Variants in SAP30BP observed in about 807,000 individuals in gnomAD.
SAP30BP encodes SAP30-binding protein.
Under a neutral mutation model 46.3 loss-of-function variants are expected in SAP30BP, and 31 were observed. The ratio of observed to expected loss-of-function variants is 0.67; its 90% CI spans 0.50 to 0.90. The LOEUF is 0.90. Among genes scored for constraint, SAP30BP ranks in the 40% least tolerant of loss-of-function variants. SAP30BP has a pLI of 0.00. For synonymous variants in SAP30BP, 169 were observed against 144.2 expected, an observed-to-expected ratio of 1.17 and a Z score of -1.23; for missense variants, 312 against 391.0, an observed-to-expected ratio of 0.80 and a Z score of 1.70.
chr17:75,703,246 G>T, intron 6 of SAP30BP, 65 bp from the exon 7 acceptor site: 1 of 1,475,092 alleles, frequency 6.8e-7, no homozygotes, highest in South Asian at 1.1e-5. Context: ...CCAGGAGCTG[G>T]ATGGTTCAGG....
chr17:75,669,443 A>G (rs978433965), intron 2 of SAP30BP, among the ~76,000 whole-genome samples: 1 of 152,002 alleles, frequency 6.6e-6, no homozygotes, highest in Admixed American at 6.6e-5. Context: ...CGGTTTCACC[A>G]TGTTGGCCAT....
intron 2 of SAP30BP, among the ~76,000 whole-genome samples, 177 bp downstream of exon 2, chr17:75,668,802 C>T (rs1156770322): frequency 1.3e-5 from 2 of 152,178 alleles, no homozygotes; most frequent in East Asian, 1.9e-4. Context: ...AATGTATTTT[C>T]ACATGGATCA....
chr17:75,685,707 A>G (rs568605648), intron 3 of SAP30BP, among the ~76,000 whole-genome samples: 3 of 151,686 alleles, frequency 2.0e-5, no homozygotes, highest in South Asian at 2.1e-4. Context: ...GCTCCCCCCA[A>G]CCCCCCAAAT....
chr17:75,705,040 C>T (rs928290836), intron 9 of SAP30BP: 3 of 525,278 alleles, frequency 5.7e-6, no homozygotes, highest in African/African-American at 3.8e-5. Flanking sequence ...CATTGTGCCC[C>T]CCTTTCCTCC....
At chr17:75,672,126 A>G (rs968293023) in intron 3 of SAP30BP, 1 of 469,254 alleles carries the variant, frequency 2.1e-6, no homozygotes, top group African/African-American at 2.0e-5. Flanking sequence ...GCTGAGGCCA[A>G]CAACCCACTT....
At chr17:75,686,037 A>G (rs2060151419) in intron 3 of SAP30BP, among the ~76,000 whole-genome samples, 1 of 152,234 alleles carries the variant, frequency 6.6e-6, no homozygotes. Flanking sequence ...TGGTTGTAAC[A>G]TGTTCCATGT....
chr17:75,686,614 C>T (rs1273544097), intron 3 of SAP30BP, among the ~76,000 whole-genome samples: 3 of 152,232 alleles, frequency 2.0e-5, no homozygotes, highest in East Asian at 1.9e-4. Flanking sequence ...GCAACCCCAG[C>T]GTGTCCCAGA....
At position 75,706,881 on chromosome 17, in the gene SAP30BP, G is replaced by T; in HGVS notation, c.*360G>T. The T allele has an allele frequency of 3.9e-6, 1 of 257,380 alleles. No individual in the cohort carries two copies. Among genetic ancestry groups the T allele is most frequent in the South Asian group, 6.3e-5 (1 of 15,842 alleles). 15.9% of individuals were successfully genotyped at this position (257,380 alleles called of 1,614,324 possible). On this transcript the variant is annotated 3_prime_UTR_variant, in exon 11 of 11. Coordinates refer to ENST00000584667, the MANE Select transcript of SAP30BP (RefSeq NM_013260.8). The surrounding 1 kb of genome is among the most constrained non-coding windows in gnomAD (Gnocchi z 4.6). ...ACTATTGCCTCAGGGTTGACAACAG[G>T]GTGATGGAGGCCTGGGACGCTGTTC...
intron 3 of SAP30BP, among the ~76,000 whole-genome samples, chr17:75,675,100 A>G (rs1247185878): frequency 6.6e-6 from 1 of 152,162 alleles, no homozygotes; most frequent in Non-Finnish European, 1.5e-5. Flanking sequence ...CATAATTGTC[A>G]TCTCCACTAG....
intron 4 of SAP30BP, 125 bp from the exon 5 acceptor site, chr17:75,699,658 C>CA (rs1252801523): frequency 3.1e-6 from 2 of 648,134 alleles, no homozygotes; most frequent in African/African-American, 3.6e-5. Flanking sequence ...TCCGAACACT[C>CA]AGTTGTACTG....
At chr17:75,672,816 T>C (rs1050379362) in intron 3 of SAP30BP, among the ~76,000 whole-genome samples, 1 of 151,740 alleles carries the variant, frequency 6.6e-6, no homozygotes, top group African/African-American at 2.4e-5. Context: ...AATTAACTGG[T>C]GAGACTGGTG....
intron 4 of SAP30BP, among the ~76,000 whole-genome samples, chr17:75,698,712 G>A (rs1256723315): frequency 6.6e-6 from 1 of 152,206 alleles, no homozygotes; most frequent in East Asian, 1.9e-4. Flanking sequence ...AGCCTATTGT[G>A]TACATCTCTT....
Position 75,703,878 on chromosome 17 carries a change from T to A in SAP30BP, c.601+19T>A. ...GCATTAGGTAGCCTTTCGTCCCTCC[T>A]CCCATATACCTTGTCCGCCCACCCG... On this transcript the variant is annotated intron_variant, in intron 8 of 10. Coordinates refer to ENST00000584667, the MANE Select transcript of SAP30BP (RefSeq NM_013260.8). 1.3e-6 allele frequency: 2 copies of A among 1,588,366 alleles called. No homozygotes were observed. The highest frequency in any genetic ancestry group is 1.7e-6 in the Non-Finnish European group (2 of 1,156,472).
At chr17:75,691,718 G>T (rs1215797895) in intron 3 of SAP30BP, 1 of 340,846 alleles carries the variant, frequency 2.9e-6, no homozygotes, top group Non-Finnish European at 5.8e-6. Context: ...GAGAGTTAAC[G>T]AATGGTCAGT....
intron 8 of SAP30BP, among the ~76,000 whole-genome samples, chr17:75,704,504 G>A (rs530885075): frequency 1.5e-4 from 23 of 152,316 alleles, no homozygotes; most frequent in African/African-American, 5.3e-4. Context: ...GTATTCCCGT[G>A]TGTGGCAGTC....
intron 5 of SAP30BP, among the ~76,000 whole-genome samples, chr17:75,701,524 C>T (rs773620788): frequency 1.3e-5 from 2 of 152,178 alleles, no homozygotes; most frequent in South Asian, 2.1e-4. Flanking sequence ...ACTCTCCCAT[C>T]GAAAGCCAGG....
At position 75,706,412 on chromosome 17, in the gene SAP30BP, C is replaced by G; in HGVS notation, c.818C>G (p.Thr273Ser). 1 of 1,614,170 alleles carries G rather than the reference C, an allele frequency of 6.2e-7. No homozygotes were observed. Among genetic ancestry groups the G allele is most frequent in the East Asian group, 2.2e-5 (1 of 44,874 alleles). ...ACGATAGCCCAGCCCACCATCCTCA[C>G]CACCACAGCCACCCTGCCAGCTGTT... ...VTTIAQPTIL[T>S]TTATLPAVVT... Residue 273 changes from threonine to serine, a missense_variant, in exon 11 of 11, where the codon ACC becomes AGC. Thr to Ser is a moderately conservative substitution (Grantham distance 58). Coordinates refer to ENST00000584667, the MANE Select transcript of SAP30BP (RefSeq NM_013260.8). This position sits in a 1 kb window ranked among gnomAD's most constrained non-coding sequence, Gnocchi z 4.6.
intron 9 of SAP30BP, chr17:75,705,741 G>C (rs1257197646): frequency 4.3e-6 from 5 of 1,168,560 alleles, no homozygotes; most frequent in Non-Finnish European, 5.5e-6. Context: ...GTGAGGTGGG[G>C]CGGTGGGCGG....
intron 3 of SAP30BP, among the ~76,000 whole-genome samples, chr17:75,687,914 T>TGGGGGGG (rs199659385): frequency 8.2e-6 from 1 of 121,840 alleles, no homozygotes; most frequent in African/African-American, 3.2e-5. Flanking sequence ...TGACAGTGTT[T>TGGGGGGG]GGGGTGTGTG....
Sources: allele counts gnomAD v4.1 joint callset (sites outside exome capture counted in the v4.1 genomes callset), GRCh38; gene constraint gnomAD v4.1.1; non-coding constraint Gnocchi (gnomAD v3.1); transcripts MANE v1.5; gene names NCBI Gene and HGNC (gene_info 2026-07-23, HGNC 2026-07-21).